Variants in SLC7A1 observed in about 807,000 individuals in gnomAD.
The protein encoded by SLC7A1 is high affinity cationic amino acid transporter 1.
SLC7A1 carries 10 observed loss-of-function variants against 53.9 expected under a neutral mutation model. That is an observed-to-expected ratio of 0.19 (90% CI 0.11 to 0.31). The LOEUF (loss-of-function observed/expected upper bound fraction) is 0.31. SLC7A1 is among the 10% of genes least tolerant of loss of function. The probability of loss-of-function intolerance (pLI) is 1.00; values close to 1 mark genes in which losing one functional copy is unlikely to be tolerated. For synonymous variants in SLC7A1, 342 were observed against 338.7 expected, an observed-to-expected ratio of 1.01 and a Z score of -0.11; for missense variants, 525 against 827.2, an observed-to-expected ratio of 0.63 and a Z score of 4.48.
chr13:29,582,738 A>C (rs1871701232), intron 1 of SLC7A1, among the ~76,000 whole-genome samples: 1 of 152,218 alleles, frequency 6.6e-6, no homozygotes, highest in Non-Finnish European at 1.5e-5. Context: ...ATTTGTATGC[A>C]CGTGTGGTCT....
At chr13:29,578,465 G>A (rs919582541) in intron 1 of SLC7A1, among the ~76,000 whole-genome samples, 1 of 152,150 alleles carries the variant, frequency 6.6e-6, no homozygotes, top group African/African-American at 2.4e-5. Flanking sequence ...GATCACATCT[G>A]CTAAGGCAAA....
intron 7 of SLC7A1, among the ~76,000 whole-genome samples, chr13:29,522,722 C>T (rs1868685565): frequency 6.6e-6 from 1 of 152,226 alleles, no homozygotes; most frequent in Admixed American, 6.5e-5. Context: ...CCAGTACAGT[C>T]TTTACAGATG....
chr13:29,586,503 C>T (rs1056862702), intron 1 of SLC7A1, among the ~76,000 whole-genome samples: 1 of 152,196 alleles, frequency 6.6e-6, no homozygotes, highest in Admixed American at 6.5e-5. Context: ...TCACTTTTAA[C>T]ATTAAAGTTT....
intron 1 of SLC7A1, among the ~76,000 whole-genome samples, chr13:29,554,221 G>A (rs542944916): frequency 3.9e-5 from 6 of 152,184 alleles, no homozygotes; most frequent in Admixed American, 6.5e-5. Context: ...CCGGTCAGGC[G>A]CCATGAAGGG....
intron 2 of SLC7A1, among the ~76,000 whole-genome samples, chr13:29,542,777 T>C (rs1869725600): frequency 6.8e-6 from 1 of 148,092 alleles, no homozygotes; most frequent in Non-Finnish European, 1.5e-5. Flanking sequence ...AGTATGAGGA[T>C]GGGAAGGGTG....
At chr13:29,575,896 C>A (rs1871388946) in intron 1 of SLC7A1, among the ~76,000 whole-genome samples, 1 of 152,164 alleles carries the variant, frequency 6.6e-6, no homozygotes, top group Non-Finnish European at 1.5e-5. Flanking sequence ...GAAAGTACAT[C>A]TTTTATTAAT....
chr13:29,514,637 A>C, intron 12 of SLC7A1, 54 bp from the exon 13 acceptor site: 6 of 1,392,752 alleles, frequency 4.3e-6, no homozygotes, highest in Non-Finnish European at 5.9e-6. Flanking sequence ...GCACCACCGC[A>C]GGCAGGGCTC....
intron 2 of SLC7A1, among the ~76,000 whole-genome samples, chr13:29,548,366 A>G (rs950454787): frequency 2.6e-5 from 4 of 152,230 alleles, no homozygotes; most frequent in Non-Finnish European, 5.9e-5. Context: ...TTTGACAGGT[A>G]ACAGCCTCAC....
chr13:29,567,659 C>T (rs142479544), intron 1 of SLC7A1, among the ~76,000 whole-genome samples: 1 of 152,126 alleles, frequency 6.6e-6, no homozygotes, highest in African/African-American at 2.4e-5. Context: ...TCCCTGCAGG[C>T]GGGCATCCCT....
At chr13:29,572,982 A>G (rs1454659853) in intron 1 of SLC7A1, among the ~76,000 whole-genome samples, 1 of 152,230 alleles carries the variant, frequency 6.6e-6, no homozygotes, top group Non-Finnish European at 1.5e-5. Context: ...GATCTGCCAC[A>G]GACAAGTGGC....
chr13:29,568,641 G>A (rs1384990773), intron 1 of SLC7A1, among the ~76,000 whole-genome samples: 6 of 152,200 alleles, frequency 3.9e-5, no homozygotes, highest in Non-Finnish European at 8.8e-5. Flanking sequence ...ATGGCGCTTC[G>A]CCCACTTTTG....
At chr13:29,523,649 C>T (rs773361366) in intron 6 of SLC7A1, among the ~76,000 whole-genome samples, 161 bp from the exon 7 acceptor site, 5 of 152,200 alleles carry the variant, frequency 3.3e-5, no homozygotes, top group Non-Finnish European at 5.9e-5. Context: ...CCTGTGCTTC[C>T]GGGAGCAGAG....
intron 2 of SLC7A1, among the ~76,000 whole-genome samples, chr13:29,543,282 C>A (rs1332656022): frequency 6.6e-6 from 1 of 152,218 alleles, no homozygotes; most frequent in Admixed American, 6.5e-5. Context: ...GCCATTTGGG[C>A]ACTTCCATAT....
intron 1 of SLC7A1, among the ~76,000 whole-genome samples, chr13:29,568,461 A>C (rs1871059768): frequency 6.6e-6 from 1 of 152,324 alleles, no homozygotes; most frequent in South Asian, 2.1e-4. Context: ...CGTAGCTACA[A>C]CTATGGGTAG....
intron 1 of SLC7A1, among the ~76,000 whole-genome samples, chr13:29,562,872 C>G (rs1008162482): frequency 6.6e-6 from 1 of 152,198 alleles, no homozygotes; most frequent in African/African-American, 2.4e-5. Flanking sequence ...ATCCTACCTC[C>G]AGCCCTTCAA....
chr13:29,535,658 A>G (rs1869375865), intron 3 of SLC7A1, among the ~76,000 whole-genome samples, 161 bp downstream of exon 3: 1 of 152,226 alleles, frequency 6.6e-6, no homozygotes. Flanking sequence ...AACCTACTAA[A>G]AGAAACTAAA....
intron 4 of SLC7A1, among the ~76,000 whole-genome samples, chr13:29,532,103 G>A (rs992828825): frequency 8.5e-5 from 13 of 152,298 alleles, no homozygotes; most frequent in African/African-American, 3.1e-4. Context: ...ATTATGTGGT[G>A]TGTAAAATAA....
At chr13:29,577,749 C>T (rs1462116826) in intron 1 of SLC7A1, among the ~76,000 whole-genome samples, 5 of 152,202 alleles carry the variant, frequency 3.3e-5, no homozygotes, top group African/African-American at 1.2e-4. Flanking sequence ...CAACCTTAGT[C>T]GTCTCTGGCC....
rs1427175926 is a variant in SLC7A1 at position 29,514,400 on chromosome 13, G to C, written c.*80C>G. On this transcript the variant is annotated 3_prime_UTR_variant, in exon 13 of 13. Transcript: ENST00000380752. ...GACGCAGGTGGTTTCTGTTGCACTGGTGGGGAGGGTGGGGTGCCTCCCGGT... is the reference window on the plus strand; with the variant it reads ...GACGCAGGTGGTTTCTGTTGCACTGCTGGGGAGGGTGGGGTGCCTCCCGGT... The C allele has an allele frequency of 2.5e-5, 25 of 987,154 alleles. No homozygotes were observed. Among genetic ancestry groups the C allele is most frequent in the Non-Finnish European group, 3.9e-5 (25 of 637,058 alleles). 61.1% of individuals were successfully genotyped at this position (987,154 alleles called of 1,614,324 possible). A position where few individuals can be genotyped will look rare whatever the true frequency, so the allele number is the denominator to read the frequency against.
Sources: gnomAD v4.1 joint callset for allele counts (sites outside exome capture counted in the v4.1 genomes callset) on GRCh38, gnomAD v4.1.1 for gene constraint, MANE v1.5 for transcripts, NCBI Gene and HGNC (gene_info 2026-07-23, HGNC 2026-07-21) for gene names.